RBFOX1: variants seen among roughly 807,000 people sequenced by gnomAD.
RBFOX1 encodes the protein RNA binding fox-1 homolog 1.
In RBFOX1, 8 loss-of-function variants were observed where a neutral mutation model predicts 57.7. The ratio of observed to expected loss-of-function variants is 0.14; its 90% CI spans 0.08 to 0.25. The LOEUF is 0.25. Among genes scored for constraint, RBFOX1 ranks in the 10% least tolerant of loss-of-function variants. RBFOX1 has a pLI of 1.00. For missense variants in RBFOX1, 611 were observed against 548.5 expected, an observed-to-expected ratio of 1.11 and a Z score of -1.14; for synonymous variants, 326 against 222.4, an observed-to-expected ratio of 1.47 and a Z score of -4.15.
chr16:7,509,887 A>G (rs921426897), intron 4 of RBFOX1, among the ~76,000 whole-genome samples: 3 of 152,184 alleles, frequency 2.0e-5, no homozygotes, highest in Non-Finnish European at 4.4e-5. Context: ...TTTAGTAATG[A>G]AAAATTCCAG....
At chr16:6,055,268 G>T (rs1419996791) in intron 1 of RBFOX1, among the ~76,000 whole-genome samples, 1 of 152,038 alleles carries the variant, frequency 6.6e-6, no homozygotes, top group Non-Finnish European at 1.5e-5. Context: ...TGTCAAGTGA[G>T]TATGACATGC....
chr16:7,525,517 C>T lies in RBFOX1; in HGVS notation c.270+7128C>T, dbSNP rs375266565. Among the ~76,000 whole-genome samples, 51 of 152,238 alleles carry T rather than the reference C, an allele frequency of 3.4e-4. No individual in the cohort carries two copies. The East Asian group carries it at 5.2e-3, about 16-fold the overall frequency. On this transcript the variant is annotated intron_variant, in intron 5 of 15. Transcript: ENST00000550418. ...TCAATTACCCTACAGAGAGCTTGCA[C>T]CGATTTGCACCCTCATGGACAGAAC... is the stretch of plus-strand genomic sequence containing the variant.
chr16:6,605,299 G>A (rs2097911143), intron 2 of RBFOX1, among the ~76,000 whole-genome samples: 4 of 152,102 alleles, frequency 2.6e-5, no homozygotes, highest in South Asian at 4.2e-4. Flanking sequence ...AGGCCAAATA[G>A]CATCTATACT....
intron 3 of RBFOX1, among the ~76,000 whole-genome samples, chr16:5,747,374 G>C (rs1321119755): frequency 6.6e-6 from 1 of 152,150 alleles, no homozygotes; most frequent in African/African-American, 2.4e-5. Flanking sequence ...GCCAGGCTTT[G>C]GTATCAGGAT....
At chr16:5,558,914 C>A (rs190863279) in intron 2 of RBFOX1, among the ~76,000 whole-genome samples, 12 of 152,076 alleles carry the variant, frequency 7.9e-5, no homozygotes, top group African/African-American at 2.2e-4. Flanking sequence ...CTGGGACCAC[C>A]CCTTAGATAT....
chr16:5,743,009 G>A (rs948285010), intron 3 of RBFOX1, among the ~76,000 whole-genome samples: 12 of 152,214 alleles, frequency 7.9e-5, no homozygotes, highest in Non-Finnish European at 4.4e-5. Flanking sequence ...ATTAACAATA[G>A]AGATAGCAAA....
intron 2 of RBFOX1, among the ~76,000 whole-genome samples, chr16:5,470,782 A>T (rs571911132): frequency 3.9e-5 from 6 of 152,124 alleles, no homozygotes; most frequent in African/African-American, 1.4e-4. Flanking sequence ...GAACCCTCCC[A>T]TTGCATCTAG....
chr16:7,327,726 T>G (rs2096629360), intron 4 of RBFOX1, among the ~76,000 whole-genome samples: 1 of 152,208 alleles, frequency 6.6e-6, no homozygotes, highest in South Asian at 2.1e-4. Context: ...CAAAGAAATG[T>G]GGCTCAACAT....
At chr16:6,575,971 T>G (rs1024703245) in intron 2 of RBFOX1, among the ~76,000 whole-genome samples, 1 of 152,052 alleles carries the variant, frequency 6.6e-6, no homozygotes, top group South Asian at 2.1e-4. Context: ...GCATGGTGCG[T>G]TACATCAAAA....
At chr16:6,320,945 C>G (rs948389895) in intron 2 of RBFOX1, among the ~76,000 whole-genome samples, 1 of 152,132 alleles carries the variant, frequency 6.6e-6, no homozygotes, top group African/African-American at 2.4e-5. Flanking sequence ...AGGCACCCAC[C>G]ACCATGCCCA....
chr16:5,460,897 C>CCA (rs2068767678), intron 1 of RBFOX1, among the ~76,000 whole-genome samples: 1 of 152,060 alleles, frequency 6.6e-6, no homozygotes, highest in Non-Finnish European at 1.5e-5. Context: ...CGCGTAGTAG[C>CCA]GATTACACAT....
At chr16:7,501,816 G>A (rs754216810) in intron 4 of RBFOX1, among the ~76,000 whole-genome samples, 1 of 151,944 alleles carries the variant, frequency 6.6e-6, no homozygotes, top group Non-Finnish European at 1.5e-5. Context: ...ATCTTCTCTG[G>A]GCACATACCC....
intron 2 of RBFOX1, among the ~76,000 whole-genome samples, chr16:6,605,792 GA>G (rs2097917440): frequency 6.6e-6 from 1 of 152,122 alleles, no homozygotes; most frequent in Non-Finnish European, 1.5e-5. Flanking sequence ...CAACACACGG[GA>G]AACTATACTT....
At position 5,890,265 on chromosome 16, in the gene RBFOX1, C is replaced by A. The variant is rs182332921; in HGVS notation, c.351+22930C>A. ...ATAACAGGCATTAGTAATGCTCTCT[C>A]CTTAGCAGACACTGGGCAAGGTGCC... On this transcript the variant is annotated intron_variant, in intron 4 of 19. Transcript: ENST00000641259. Among the ~76,000 whole-genome samples, 5 of 152,340 alleles carry A rather than the reference C, an allele frequency of 3.3e-5. No individual in the cohort carries two copies. The East Asian group carries it at 9.6e-4, about 29-fold the overall frequency.
At chr16:7,329,663 T>G (rs1290947666) in intron 4 of RBFOX1, among the ~76,000 whole-genome samples, 1 of 152,172 alleles carries the variant, frequency 6.6e-6, no homozygotes, top group Non-Finnish European at 1.5e-5. Context: ...CAATAATATA[T>G]AAATACAAAA....
At chr16:7,510,216 T>G (rs1339498333) in intron 4 of RBFOX1, 2 of 985,702 alleles carry the variant, frequency 2.0e-6, no homozygotes, top group Non-Finnish European at 2.4e-6. Context: ...ACACCCTCGC[T>G]CGTAATTGAG....
At chr16:6,711,857 C>G (rs143891511) in intron 3 of RBFOX1, among the ~76,000 whole-genome samples, 3,205 of 152,236 alleles carry the variant, frequency 0.021, 56 homozygotes, top group South Asian at 0.053. Context: ...AGGTCTTATT[C>G]CTACCCAATT....
chr16:6,884,687 C>T (rs183406947), intron 3 of RBFOX1, among the ~76,000 whole-genome samples: 3 of 152,218 alleles, frequency 2.0e-5, no homozygotes, highest in Non-Finnish European at 4.4e-5. Context: ...CACTTGAGGC[C>T]AGGGGTTCCA....
At chr16:6,793,092 C>A (rs2083286477) in intron 3 of RBFOX1, among the ~76,000 whole-genome samples, 1 of 151,796 alleles carries the variant, frequency 6.6e-6, no homozygotes. Flanking sequence ...TGCTCTCTGC[C>A]AGATTGCACA....
Sources: gnomAD v4.1 joint callset for allele counts (sites outside exome capture counted in the v4.1 genomes callset) on GRCh38, gnomAD v4.1.1 for gene constraint, MANE v1.5 for transcripts, NCBI Gene and HGNC (gene_info 2026-07-23, HGNC 2026-07-21) for gene names.